Variants in PEAK3 observed in about 807,000 individuals in gnomAD.
PEAK3 encodes PEAK family member 3, also known as protein PEAK3.
PEAK3 carries 15 observed loss-of-function variants against 13.3 expected under a neutral mutation model. That is an observed-to-expected ratio of 1.13 (90% CI 0.75 to 1.73). PEAK3 has a LOEUF of 1.73. PEAK3 is among the 40% of genes most tolerant of loss of function. PEAK3 has a pLI of 0.00. For missense variants in PEAK3, 739 were observed against 690.2 expected, an observed-to-expected ratio of 1.07 and a Z score of -0.79; for synonymous variants, 347 against 341.9, an observed-to-expected ratio of 1.01 and a Z score of -0.17.
chr19:2,276,811 C>T (rs143898992), intron 3 of PEAK3, among the ~76,000 whole-genome samples: 5 of 152,192 alleles, frequency 3.3e-5, no homozygotes, highest in African/African-American at 9.6e-5. Context: ...GTCAGGAGTT[C>T]GAGACCAGCC....
intron 3 of PEAK3, among the ~76,000 whole-genome samples, chr19:2,277,702 A>T (rs1422318917): frequency 6.6e-6 from 1 of 151,482 alleles, no homozygotes; most frequent in Admixed American, 6.6e-5. Flanking sequence ...AGTAGCTGGG[A>T]CTTCAGGTGC....
Position 2,274,989 on chromosome 19 carries a change from GGAA to G in PEAK3, c.*688_*690del, listed in dbSNP as rs2025370705. On this transcript the variant is annotated 3_prime_UTR_variant, in exon 4 of 4. Transcript: ENST00000342063. The stretch of plus-strand genomic sequence containing the variant: ...GTGGAACTGGAACAGTATGGCAGAG[GGAA>G]CAGCCTACACAAATGCTTGGGGGCG... The G allele has an allele frequency of 6.6e-6, 1 of 151,388 alleles. No individual in the cohort carries two copies. Among genetic ancestry groups the G allele is most frequent in the Non-Finnish European group, 1.5e-5 (1 of 67,814 alleles). 9.4% of individuals were successfully genotyped at this position (151,388 alleles called of 1,614,324 possible).
rs2025386950 is a variant in PEAK3 at position 2,276,300 on chromosome 19, C to G, written c.802G>C (p.Glu268Gln). 2 of 1,594,384 alleles carry G rather than the reference C, an allele frequency of 1.3e-6. No individual in the cohort carries two copies. Among genetic ancestry groups the G allele is most frequent in the South Asian group, 2.2e-5 (2 of 90,014 alleles). ...TCCTCCGGCGGCTGCGTGCAGGCCT[C>G]CGCCAGCCACTGCGCCACCGTGCGC... Reference protein sequence around the residue: ...PERTVAQWLAEACTQPPEEFV... With the variant: ...PERTVAQWLAQACTQPPEEFV... Residue 268 changes from glutamate to glutamine, a missense_variant, in exon 4 of 4, where the codon GAG becomes CAG. Physicochemically the swap from Glu to Gln is conservative, Grantham distance 29. Transcript: ENST00000342063.
At chr19:2,279,168 A>C in intron 2 of PEAK3, 55 bp from the exon 3 acceptor site, 1 of 1,314,538 alleles carries the variant, frequency 7.6e-7, no homozygotes, top group Non-Finnish European at 9.9e-7. Flanking sequence ...GGAACGGGAC[A>C]CGTGACTCCA....
intron 2 of PEAK3, 59 bp downstream of exon 2, chr19:2,280,791 G>A: frequency 1.5e-6 from 2 of 1,369,320 alleles, no homozygotes; most frequent in Non-Finnish European, 2.0e-6. Flanking sequence ...GCCGCTCCCT[G>A]CACCCCCCTG....
At chr19:2,277,708 G>T (rs1236696970) in intron 3 of PEAK3, among the ~76,000 whole-genome samples, 1 of 151,946 alleles carries the variant, frequency 6.6e-6, no homozygotes, top group Non-Finnish European at 1.5e-5. Flanking sequence ...TGGGACTTCA[G>T]GTGCGCACCA....
Position 2,275,844 on chromosome 19 carries a change from G to A in PEAK3, c.1258C>T (p.Leu420Phe). ...GAPLGPWLRA[L>F]GPWLRVRRGL... The stretch of plus-strand genomic sequence containing the variant: ...CGGCGCACCCGCAGCCAGGGCCCGA[G>A]CGCTCGGAGCCAGGGACCAAGCGGT... The change falls in exon 4 of 4, where the codon CTC becomes TTC. Residue 420 changes from leucine (L) to phenylalanine (F), a missense_variant. Leu to Phe is a conservative substitution (Grantham distance 22). Coordinates refer to ENST00000342063, the MANE Select transcript of PEAK3 (RefSeq NM_198532.3). 1 of 1,495,874 alleles carries A rather than the reference G, an allele frequency of 6.7e-7. No homozygotes were observed. Among genetic ancestry groups the A allele is most frequent in the Non-Finnish European group, 8.9e-7 (1 of 1,128,744 alleles). The allele number at this position is 1,495,874 out of a possible 1,614,324, so 92.7% of individuals were successfully genotyped here.
Position 2,276,424 on chromosome 19 carries a change from T to C in PEAK3, c.678A>G (p.Pro226=), listed in dbSNP as rs746946658. The change falls in exon 4 of 4, where the codon CCA becomes CCG. Residue 226 remains proline (P), a synonymous_variant. Transcript: ENST00000342063. ...WGLELQASLS[P]HFNLQGLCGL... ...CACACAGCCCCTGCAGATTGAAGTG[T>C]GGAGACAGGGAGGCCTGCAGCTCCA... 2.5e-6 allele frequency: 4 copies of C among 1,592,676 alleles called. No individual in the cohort carries two copies. In the Admixed American group the frequency reaches 6.7e-5, roughly 27 times the overall value.
At position 2,276,337 on chromosome 19, in the gene PEAK3, G is replaced by T. The variant is rs746784189; in HGVS notation, c.765C>A (p.Ala255=). Residue 255 remains alanine, a synonymous_variant, in exon 4 of 4, where the codon GCC becomes GCA. Coordinates refer to ENST00000342063, the MANE Select transcript of PEAK3 (RefSeq NM_198532.3). The part of the protein sequence containing the change: ...APWRGAVALA[A]EVPERTVAQW... Reference sequence around the variant, plus strand: ...GCGCCACCGTGCGCTCTGGAACCTCGGCTGCCAGCGCCACTGCGCCTCTCC... The same window carrying T: ...GCGCCACCGTGCGCTCTGGAACCTCTGCTGCCAGCGCCACTGCGCCTCTCC... 3.1e-6 allele frequency: 5 copies of T among 1,599,092 alleles called. No individual in the cohort carries two copies. Among genetic ancestry groups the T allele is most frequent in the Non-Finnish European group, 1.7e-6 (2 of 1,178,892 alleles).
Position 2,276,348 on chromosome 19 carries a change from C to T in PEAK3, c.754G>A (p.Ala252Thr). The T allele has an allele frequency of 6.3e-7, 1 of 1,599,594 alleles. No individual in the cohort carries two copies. Among genetic ancestry groups the T allele is most frequent in the Non-Finnish European group, 8.5e-7 (1 of 1,178,926 alleles). Residue 252 changes from alanine (A) to threonine (T), a missense_variant, in exon 4 of 4, where the codon GCG becomes ACG. By Grantham distance (58) the Ala-to-Thr change is moderately conservative (BLOSUM62 0). Coordinates refer to ENST00000342063, the MANE Select transcript of PEAK3 (RefSeq NM_198532.3). ...CGCTCTGGAACCTCGGCTGCCAGCG[C>T]CACTGCGCCTCTCCAGGGCGCCCCG... ...LPGAPWRGAV[A>T]LAAEVPERTV...
At position 2,275,350 on chromosome 19, in the gene PEAK3, G is replaced by T. The variant is rs545404660; in HGVS notation, c.*330C>A. ...ACCCACGCGGAAGAGCGCCCTGGCT[G>T]CTGGGGAAGGCAGAACACAGAGAGA... On this transcript the variant is annotated 3_prime_UTR_variant, in exon 4 of 4. Coordinates refer to ENST00000342063, the MANE Select transcript of PEAK3 (RefSeq NM_198532.3). 3.1e-4 allele frequency: 72 copies of T among 229,588 alleles called. No individual in the cohort carries two copies. Among genetic ancestry groups the T allele is most frequent in the African/African-American group, 1.6e-3 (69 of 44,078 alleles). 14.2% of individuals were successfully genotyped at this position (229,588 alleles called of 1,614,324 possible). A position where few individuals can be genotyped will look rare whatever the true frequency, so the allele number is the denominator to read the frequency against.
intron 3 of PEAK3, among the ~76,000 whole-genome samples, chr19:2,276,839 G>T (rs772792036): frequency 2.0e-5 from 3 of 152,008 alleles, no homozygotes; most frequent in African/African-American, 4.8e-5. Flanking sequence ...CGCAGGGAAC[G>T]CTCGTCTCTA....
Position 2,275,696 on chromosome 19 carries a change from G to C in PEAK3, c.1406C>G (p.Ala469Gly), listed in dbSNP as rs1274322595. The change falls in exon 4 of 4, where the codon GCG (alanine) becomes GGG (glycine). Residue 469 changes from alanine to glycine, a missense_variant. Physicochemically the swap from Ala to Gly is moderately conservative, Grantham distance 60. Coordinates refer to ENST00000342063, the MANE Select transcript of PEAK3 (RefSeq NM_198532.3). ...GGGTTGGGGTCAGTCCCACAGCAGCGCCAGGGCCTGGCCCATCGAGGACTC... is the reference window on the plus strand; with the variant it reads ...GGGTTGGGGTCAGTCCCACAGCAGCCCCAGGGCCTGGCCCATCGAGGACTC... ...ATESSMGQAL[A>G]LLWD The C allele has an allele frequency of 6.6e-7, 1 of 1,504,486 alleles. No homozygotes were observed. Among genetic ancestry groups the C allele is most frequent in the Non-Finnish European group, 8.9e-7 (1 of 1,123,284 alleles). The allele number at this position is 1,504,486 out of a possible 1,614,324, so 93.2% of individuals were successfully genotyped here. A position where few individuals can be genotyped will look rare whatever the true frequency, so the allele number is the denominator to read the frequency against.
chr19:2,278,456 C>G (rs150488936), intron 3 of PEAK3, 128 bp downstream of exon 3: 7 of 1,134,284 alleles, frequency 6.2e-6, no homozygotes, highest in South Asian at 3.4e-5. Context: ...CCACCGCGCC[C>G]GGCTCCAGTA....
At position 2,278,709 on chromosome 19, in the gene PEAK3, C is replaced by T. The variant is rs1456479382; in HGVS notation, c.487G>A (p.Gly163Arg). 7 of 1,529,540 alleles carry T rather than the reference C, an allele frequency of 4.6e-6. No individual in the cohort carries two copies. Among genetic ancestry groups the T allele is most frequent in the East Asian group, 2.3e-5 (1 of 43,240 alleles). The allele number at this position is 1,529,540 out of a possible 1,614,324, so 94.7% of individuals were successfully genotyped here. A position where few individuals can be genotyped will look rare whatever the true frequency, so the allele number is the denominator to read the frequency against. Reference protein sequence around the residue: ...LRARLMGGHPGPCHPGHSFRL... With the variant: ...LRARLMGGHPRPCHPGHSFRL... ...AAGCTGTGGCCGGGGTGGCAGGGCC[C>T]GGGGTGGCCCCCCATGAGCCGGGCA... The change falls in exon 3 of 4, where the codon GGG becomes AGG. Residue 163 changes from glycine (G) to arginine (R), a missense_variant. Gly to Arg is a moderately radical substitution (Grantham distance 125). Coordinates refer to ENST00000342063, the MANE Select transcript of PEAK3 (RefSeq NM_198532.3).
Position 2,276,336 on chromosome 19 carries a change from C to G in PEAK3, c.766G>C (p.Glu256Gln), listed in dbSNP as rs1409916180. 2 of 1,598,854 alleles carry G rather than the reference C, an allele frequency of 1.3e-6. No individual in the cohort carries two copies. Among genetic ancestry groups the G allele is most frequent in the African/African-American group, 2.7e-5 (2 of 74,866 alleles). Residue 256 changes from glutamate (E) to glutamine (Q), a missense_variant, in exon 4 of 4, where the codon GAG becomes CAG. Coordinates refer to ENST00000342063, the MANE Select transcript of PEAK3 (RefSeq NM_198532.3). The part of the protein sequence containing the change: ...PWRGAVALAA[E>Q]VPERTVAQWL... ...TGCGCCACCGTGCGCTCTGGAACCT[C>G]GGCTGCCAGCGCCACTGCGCCTCTC...
rs1330893027 is a variant in PEAK3, at chr19:2,275,666, G to A, written c.*14C>T. ...GGGCAGGCCTGGACCAGGTGTGTTC[G>A]CCCTGGGTTGGGGTCAGTCCCACAG... On this transcript the variant is annotated 3_prime_UTR_variant, in exon 4 of 4. Transcript: ENST00000342063. 5 of 1,437,352 alleles carry A rather than the reference G, an allele frequency of 3.5e-6. No individual in the cohort carries two copies. Among genetic ancestry groups the A allele is most frequent in the African/African-American group, 1.5e-5 (1 of 67,570 alleles). The allele number at this position is 1,437,352 out of a possible 1,614,324, so 89.0% of individuals were successfully genotyped here. A position where few individuals can be genotyped will look rare whatever the true frequency, so the allele number is the denominator to read the frequency against.
chr19:2,276,198 G>T lies in PEAK3; in HGVS notation c.904C>A (p.Leu302Ile). The change falls in exon 4 of 4, where the codon CTA becomes ATA. Residue 302 changes from leucine (L) to isoleucine (I), a missense_variant. Physicochemically the swap from Leu to Ile is conservative, Grantham distance 5. Coordinates refer to ENST00000342063, the MANE Select transcript of PEAK3 (RefSeq NM_198532.3). ...AAGTTCTCCGGCCGCAACTCGACTAGGGCCGCGCCCCACGCCTCCAGGAAC... is the reference window on the plus strand; with the variant it reads ...AAGTTCTCCGGCCGCAACTCGACTATGGCCGCGCCCCACGCCTCCAGGAAC... ...LKFLEAWGAA[L>I]VELRPENLLL... The T allele has an allele frequency of 6.4e-7, 1 of 1,559,742 alleles. No individual in the cohort carries two copies. Among genetic ancestry groups the T allele is most frequent in the East Asian group, 2.4e-5 (1 of 41,450 alleles).
In PEAK3 at chr19:2,275,679, G is replaced by A. The variant is rs1278964560; in HGVS notation, c.*1C>T. ...CCAGGTGTGTTCGCCCTGGGTTGGG[G>A]TCAGTCCCACAGCAGCGCCAGGGCC... is the stretch of plus-strand genomic sequence containing the variant. On this transcript the variant is annotated 3_prime_UTR_variant, in exon 4 of 4. Transcript: ENST00000342063. 1 of 1,468,596 alleles carries A rather than the reference G, an allele frequency of 6.8e-7. No individual in the cohort carries two copies. Among genetic ancestry groups the A allele is most frequent in the African/African-American group, 1.5e-5 (1 of 68,610 alleles). 91.0% of individuals were successfully genotyped at this position (1,468,596 alleles called of 1,614,324 possible).
Sources: gnomAD v4.1 joint callset for allele counts (sites outside exome capture counted in the v4.1 genomes callset) on GRCh38, gnomAD v4.1.1 for gene constraint, MANE v1.5 for transcripts, NCBI Gene and HGNC (gene_info 2026-07-23, HGNC 2026-07-21) for gene names.